RB1: variants seen among roughly 807,000 people sequenced by gnomAD.
RB1 encodes the protein retinoblastoma-associated protein.
In RB1, 18 loss-of-function variants were observed where a neutral mutation model predicts 135.4. That is an observed-to-expected ratio of 0.13 (90% CI 0.09 to 0.20). The LOEUF is 0.20. Ranked by LOEUF, RB1 falls within the 10% of genes least tolerant of loss-of-function variation. RB1 has a pLI of 1.00. For synonymous variants in RB1, 365 were observed against 373.2 expected (o/e 0.98, Z 0.25); for missense variants, 868 against 1,110.0 (o/e 0.78, Z 3.10).
At chr13:48,371,806 G>A (rs1952761188) in intron 11 of RB1, among the ~76,000 whole-genome samples, 1 of 152,074 alleles carries the variant, frequency 6.6e-6, no homozygotes, top group African/African-American at 2.4e-5. Flanking sequence ...CCAATTCCCG[G>A]GCCAGAGACT....
chr13:48,423,575 A>G (rs1949038377), intron 17 of RB1, among the ~76,000 whole-genome samples: 1 of 152,206 alleles, frequency 6.6e-6, no homozygotes, highest in African/African-American at 2.4e-5. Context: ...TTACTATAAA[A>G]TTGATCAAAG....
At chr13:48,424,048 C>T (rs1949045810) in intron 17 of RB1, 1 of 152,646 alleles carries the variant, frequency 6.6e-6, no homozygotes, top group African/African-American at 2.4e-5. Context: ...ACTTCCATCT[C>T]TTAATTTACA....
chr13:48,370,476 G>A (rs958163882), intron 11 of RB1, among the ~76,000 whole-genome samples: 3 of 152,174 alleles, frequency 2.0e-5, no homozygotes, highest in South Asian at 2.1e-4. Flanking sequence ...TGACCAAAGG[G>A]CTTCAAGTTG....
chr13:48,313,082 A>G (rs933972763), intron 2 of RB1, among the ~76,000 whole-genome samples: 1 of 152,094 alleles, frequency 6.6e-6, no homozygotes, highest in African/African-American at 2.4e-5. Context: ...TTGGCCCCCA[A>G]TGCCTGTGTT....
At chr13:48,424,886 C>G (rs1420207743) in intron 17 of RB1, among the ~76,000 whole-genome samples, 1 of 151,920 alleles carries the variant, frequency 6.6e-6, no homozygotes, top group African/African-American at 2.4e-5. Flanking sequence ...AACTCTGTCT[C>G]TACTAAAAAT....
intron 2 of RB1, among the ~76,000 whole-genome samples, chr13:48,328,974 T>C (rs1952311259): frequency 6.6e-6 from 1 of 152,140 alleles, no homozygotes; most frequent in Non-Finnish European, 1.5e-5. Flanking sequence ...TCCTTATTTA[T>C]ATACATTATA....
chr13:48,312,722 T>G (rs930320878), intron 2 of RB1, among the ~76,000 whole-genome samples: 1 of 152,164 alleles, frequency 6.6e-6, no homozygotes. Flanking sequence ...ACTGTTTGCT[T>G]TGGTTTTAAT....
intron 2 of RB1, among the ~76,000 whole-genome samples, chr13:48,312,751 A>T (rs1952142349): frequency 6.6e-6 from 1 of 151,678 alleles, no homozygotes. Flanking sequence ...TATTTTTTTA[A>T]TTTCAGAAGG....
chr13:48,400,633 A>G (rs1291761075), intron 17 of RB1, among the ~76,000 whole-genome samples: 2 of 152,158 alleles, frequency 1.3e-5, no homozygotes, highest in Non-Finnish European at 2.9e-5. Flanking sequence ...TATTTTATAG[A>G]TAAAGAGACC....
chr13:48,456,024 G>T (rs1309295098), intron 18 of RB1, among the ~76,000 whole-genome samples, 180 bp from the exon 19 acceptor site: 1 of 152,122 alleles, frequency 6.6e-6, no homozygotes, highest in Non-Finnish European at 1.5e-5. Flanking sequence ...AATAGAATTA[G>T]ATATGATGAT....
intron 17 of RB1, among the ~76,000 whole-genome samples, chr13:48,382,872 C>T (rs415160): frequency 0.78 from 118,280 of 151,470 alleles, 51,935 homozygotes; most frequent in Non-Finnish European, 0.97. Flanking sequence ...AATTTTTGTA[C>T]AAGGTGTAAG....
intron 23 of RB1, among the ~76,000 whole-genome samples, chr13:48,472,738 C>A (rs1021786001): frequency 2.0e-5 from 3 of 152,012 alleles, no homozygotes; most frequent in Non-Finnish European, 4.4e-5. Context: ...GAGTGATGGC[C>A]ACTTATCAAG....
chr13:48,371,204 G>T (rs1367501253), intron 11 of RB1, among the ~76,000 whole-genome samples: 1 of 152,150 alleles, frequency 6.6e-6, no homozygotes, highest in Non-Finnish European at 1.5e-5. Context: ...TGGATGTTAA[G>T]CAGGGGTAAG....
chr13:48,453,097 C>T lies in RB1; in HGVS notation c.1800C>T (p.His600=), dbSNP rs1555293650. The T allele has an allele frequency of 6.2e-7, 1 of 1,612,630 alleles. No homozygotes were observed. The highest frequency in any genetic ancestry group is 8.5e-7 in the Non-Finnish European group (1 of 1,179,604). Residue 600 remains histidine, a synonymous_variant, in exon 18 of 27, where the codon CAC becomes CAT. Transcript: ENST00000267163. ...CPLNLPLQNN[H]TAADMYLSPV... ...TTAATCTTCCTCTCCAGAATAATCA[C>T]ACTGCAGCAGATATGTAAGCAAAAT...
intron 17 of RB1, among the ~76,000 whole-genome samples, chr13:48,430,458 A>G (rs1949117486): frequency 1.3e-5 from 2 of 152,182 alleles, no homozygotes; most frequent in Non-Finnish European, 1.5e-5. Context: ...ATAACAGTAG[A>G]GGCCAGGCAC....
chr13:48,360,307 A>G (rs936460446), intron 7 of RB1, 180 bp downstream of exon 7: 50 of 1,356,286 alleles, frequency 3.7e-5, no homozygotes, highest in Non-Finnish European at 4.4e-5. Context: ...ACAAATGATT[A>G]GAGTATATGG....
chr13:48,318,205 C>A, intron 2 of RB1: 1 of 597,934 alleles, frequency 1.7e-6, no homozygotes, highest in Non-Finnish European at 2.9e-6. Context: ...CCTGGACCCT[C>A]GCCGCTGTCT....
chr13:48,350,807 A>T (rs1479285650), intron 6 of RB1, among the ~76,000 whole-genome samples: 2 of 152,034 alleles, frequency 1.3e-5, no homozygotes, highest in Admixed American at 6.6e-5. Context: ...TTTAGCTCCC[A>T]CTTATAAGTG....
intron 2 of RB1, among the ~76,000 whole-genome samples, chr13:48,323,320 G>A (rs1212807346): frequency 1.3e-5 from 2 of 151,884 alleles, no homozygotes; most frequent in African/African-American, 4.8e-5. Context: ...ATTGTTCATG[G>A]CATTGCCATT....
Sources: allele counts gnomAD v4.1 joint callset (sites outside exome capture counted in the v4.1 genomes callset), GRCh38; gene constraint gnomAD v4.1.1; transcripts MANE v1.5; gene names NCBI Gene and HGNC (gene_info 2026-07-23, HGNC 2026-07-21).